Variants in VAPB observed in about 807,000 individuals in gnomAD.
VAPB encodes the protein VAMP associated protein B and C, also known as vesicle-associated membrane protein-associated protein B/C.
Under a neutral mutation model 25.6 loss-of-function variants are expected in VAPB, and 7 were observed. That is an observed-to-expected ratio of 0.27 (90% CI 0.16 to 0.51). VAPB has a LOEUF of 0.51. VAPB is among the 20% of genes least tolerant of loss of function. VAPB has a pLI of 0.97. For missense variants in VAPB, 266 were observed against 301.3 expected, an observed-to-expected ratio of 0.88 and a Z score of 0.87; for synonymous variants, 112 against 109.2, an observed-to-expected ratio of 1.03 and a Z score of -0.16.
chr20:58,420,068 C>T (rs920408419), intron 2 of VAPB, among the ~76,000 whole-genome samples: 2 of 152,254 alleles, frequency 1.3e-5, no homozygotes, highest in South Asian at 2.1e-4. Context: ...TCACTGCAAC[C>T]TCCACCTCCC....
chr20:58,413,710 C>T (rs1988441300), intron 1 of VAPB, among the ~76,000 whole-genome samples: 1 of 151,890 alleles, frequency 6.6e-6, no homozygotes, highest in South Asian at 2.1e-4. Flanking sequence ...CCTCACTTCC[C>T]AGTAGGGGCG....
chr20:58,394,803 C>A (rs183465032), intron 1 of VAPB, among the ~76,000 whole-genome samples: 2 of 152,164 alleles, frequency 1.3e-5, no homozygotes, highest in African/African-American at 2.4e-5. Flanking sequence ...GTTTCCTTAA[C>A]GTGAGTGGTT....
Position 58,445,953 on chromosome 20 carries a change from C to G in VAPB, c.*1718C>G. 1 of 454,046 alleles carries G rather than the reference C, an allele frequency of 2.2e-6. No individual in the cohort carries two copies. Among genetic ancestry groups the G allele is most frequent in the Non-Finnish European group, 4.4e-6 (1 of 226,792 alleles). The allele number at this position is 454,046 out of a possible 1,614,324, so 28.1% of individuals were successfully genotyped here. A position where few individuals can be genotyped will look rare whatever the true frequency, so the allele number is the denominator to read the frequency against. On this transcript the variant is annotated 3_prime_UTR_variant, in exon 6 of 6. Coordinates refer to ENST00000475243, the MANE Select transcript of VAPB (RefSeq NM_004738.5). Reference sequence around the variant, plus strand: ...CAGAAGGAAGGCAGTCCTTAGAAGTCACATACGTTGAGCCACGTTGCTCCT... The same window carrying G: ...CAGAAGGAAGGCAGTCCTTAGAAGTGACATACGTTGAGCCACGTTGCTCCT...
At chr20:58,398,689 TACAC>T (rs1988022475) in intron 1 of VAPB, among the ~76,000 whole-genome samples, 1 of 152,218 alleles carries the variant, frequency 6.6e-6, no homozygotes, top group Non-Finnish European at 1.5e-5. Context: ...TTGGCGAGCT[TACAC>T]TGTGCGCTTG....
intron 2 of VAPB, among the ~76,000 whole-genome samples, chr20:58,428,433 A>G (rs1179916407): frequency 6.6e-6 from 1 of 152,216 alleles, no homozygotes; most frequent in Non-Finnish European, 1.5e-5. Flanking sequence ...GGTGAATACC[A>G]TTTGGTGTAG....
intron 1 of VAPB, among the ~76,000 whole-genome samples, chr20:58,405,742 CTTTT>C (rs71181964): frequency 2.3e-5 from 1 of 43,468 alleles, no homozygotes; most frequent in Non-Finnish European, 3.8e-5. Flanking sequence ...GGCCAGGAGC[CTTTT>C]TTTTTTTTTT....
chr20:58,421,548 A>C (rs931674180), intron 2 of VAPB, among the ~76,000 whole-genome samples: 3 of 152,222 alleles, frequency 2.0e-5, no homozygotes, highest in African/African-American at 7.2e-5. Flanking sequence ...AAATACTGCT[A>C]GCATTGCCCT....
chr20:58,435,392 A>G (rs1274516361), intron 3 of VAPB, among the ~76,000 whole-genome samples: 1 of 152,146 alleles, frequency 6.6e-6, no homozygotes, highest in Non-Finnish European at 1.5e-5. Flanking sequence ...GAAATCTACA[A>G]TACAACCCAC....
chr20:58,411,055 T>C (rs1988367337), intron 1 of VAPB, among the ~76,000 whole-genome samples: 1 of 152,174 alleles, frequency 6.6e-6, no homozygotes, highest in African/African-American at 2.4e-5. Context: ...AGGAGGGTGA[T>C]TGCTGGATTG....
chr20:58,407,392 T>G (rs183645218), intron 1 of VAPB, among the ~76,000 whole-genome samples: 1 of 152,338 alleles, frequency 6.6e-6, no homozygotes. Flanking sequence ...TTTCAACAAC[T>G]TTACAAGTCT....
intron 2 of VAPB, among the ~76,000 whole-genome samples, chr20:58,434,284 C>T (rs1360692062): frequency 6.6e-6 from 1 of 152,024 alleles, no homozygotes; most frequent in Non-Finnish European, 1.5e-5. Flanking sequence ...GTGTTGCTAC[C>T]CAGTTTCCCA....
chr20:58,390,451 C>T (rs1038250403), intron 1 of VAPB: 1 of 142,664 alleles, frequency 7.0e-6, no homozygotes, highest in Non-Finnish European at 1.5e-5. Context: ...CTCATTCTTT[C>T]TTTTTGCGTG....
Position 58,446,906 on chromosome 20 carries a change from A to G in VAPB, c.*2671A>G, listed in dbSNP as rs115191022. On this transcript the variant is annotated 3_prime_UTR_variant, in exon 6 of 6. Coordinates refer to ENST00000475243, the MANE Select transcript of VAPB (RefSeq NM_004738.5). ...TAGGGTGTTTTCCCTAGAATTACAT[A>G]ATGAAAAAAAGAATAAGGCAAAGAG... is the stretch of plus-strand genomic sequence containing the variant. 461 of 454,140 alleles carry G rather than the reference A, an allele frequency of 1.0e-3. No individual in the cohort carries two copies. Among genetic ancestry groups the G allele is most frequent in the Middle Eastern group, 4.2e-3 (6 of 1,444 alleles). 28.1% of individuals were successfully genotyped at this position (454,140 alleles called of 1,614,324 possible). A position where few individuals can be genotyped will look rare whatever the true frequency, so the allele number is the denominator to read the frequency against.
rs535866048 is a variant in VAPB, at chr20:58,436,402, C to T, written c.315+1697C>T. Among the ~76,000 whole-genome samples the T allele has an allele frequency of 3.6e-5, 5 of 138,058 alleles. No homozygotes were observed. The South Asian group carries it at 1.1e-3, about 32-fold the overall frequency. The allele number at this position is 138,058 out of a possible 152,430, so 90.6% of individuals were successfully genotyped here. ...AGGCTGGAATGCAGTGGAGTGATCT[C>T]AGCTCGCTGCAGCCTCCACCTCCTG... On this transcript the variant is annotated intron_variant, in intron 3 of 5. Coordinates refer to ENST00000475243, the MANE Select transcript of VAPB (RefSeq NM_004738.5).
At chr20:58,418,834 C>G (rs1178466481) in intron 2 of VAPB, among the ~76,000 whole-genome samples, 2 of 152,186 alleles carry the variant, frequency 1.3e-5, no homozygotes, top group African/African-American at 4.8e-5. Context: ...CTGCACTTTA[C>G]TGATTGTGAA....
chr20:58,435,051 T>A (rs921849908), intron 3 of VAPB, among the ~76,000 whole-genome samples: 2 of 152,162 alleles, frequency 1.3e-5, no homozygotes, highest in Non-Finnish European at 2.9e-5. Flanking sequence ...CTTTTCATTG[T>A]CCCGCCTTTT....
chr20:58,434,054 G>A (rs1339964975), intron 2 of VAPB, among the ~76,000 whole-genome samples: 1 of 152,156 alleles, frequency 6.6e-6, no homozygotes, highest in African/African-American at 2.4e-5. Flanking sequence ...AGTATAAGCT[G>A]ATACCGTTTT....
intron 1 of VAPB, among the ~76,000 whole-genome samples, chr20:58,415,581 A>G (rs1383845369): frequency 6.6e-6 from 1 of 152,202 alleles, no homozygotes; most frequent in Non-Finnish European, 1.5e-5. Context: ...GGTTCTAGAG[A>G]CACATCATTT....
intron 1 of VAPB, among the ~76,000 whole-genome samples, chr20:58,396,997 T>C (rs1987974030): frequency 6.6e-6 from 1 of 152,214 alleles, no homozygotes; most frequent in Non-Finnish European, 1.5e-5. Context: ...GGGTTTGTTC[T>C]TGAGAGAGGG....
Sources: gnomAD v4.1 joint callset for allele counts (sites outside exome capture counted in the v4.1 genomes callset) on GRCh38, gnomAD v4.1.1 for gene constraint, MANE v1.5 for transcripts, NCBI Gene and HGNC (gene_info 2026-07-23, HGNC 2026-07-21) for gene names.